DLGAP2: variants seen among roughly 807,000 people sequenced by gnomAD.
DLGAP2 encodes the protein DLG associated protein 2, also known as disks large-associated protein 2.
In DLGAP2, 26 loss-of-function variants were observed where a neutral mutation model predicts 100.3. The ratio of observed to expected loss-of-function variants is 0.26; its 90% CI spans 0.19 to 0.36. The LOEUF is 0.36. DLGAP2 is among the 10% of genes least tolerant of loss of function. The probability of loss-of-function intolerance (pLI) is 1.00; values close to 1 mark genes in which losing one functional copy is unlikely to be tolerated. For synonymous variants in DLGAP2, 886 were observed against 630.1 expected (o/e 1.41, Z -6.08); for missense variants, 1,858 against 1,453.2 (o/e 1.28, Z -4.53).
chr8:957,486 T>C (rs1242269426), intron 2 of DLGAP2, among the ~76,000 whole-genome samples: 1 of 152,238 alleles, frequency 6.6e-6, no homozygotes, highest in African/African-American at 2.4e-5. Flanking sequence ...AACACCAGCC[T>C]AGAGATGCTG....
At chr8:1,319,699 T>A (rs565058168) in intron 3 of DLGAP2, among the ~76,000 whole-genome samples, 1 of 152,148 alleles carries the variant, frequency 6.6e-6, no homozygotes, top group East Asian at 1.9e-4. Flanking sequence ...GGAGTGCACG[T>A]TGGAAAAGAT....
At chr8:1,061,655 G>T (rs533152420) in intron 2 of DLGAP2, among the ~76,000 whole-genome samples, 1 of 152,084 alleles carries the variant, frequency 6.6e-6, no homozygotes, top group Non-Finnish European at 1.5e-5. Flanking sequence ...GAGCGTCCCT[G>T]TGGTGTTTTC....
rs187744271 is a variant in DLGAP2, at chr8:984,060, C to T, written c.73+76094C>T. ...TGGGTGTGCGGGCGGTCACTCCTCC[C>T]GGTGTCTCATGTGTAGCTTTTGGGC... On this transcript the variant is annotated intron_variant, in intron 2 of 14. Transcript: ENST00000637795. Among the ~76,000 whole-genome samples the T allele has an allele frequency of 3.9e-4, 60 of 152,236 alleles. 1 individual carries two copies. The highest frequency in any genetic ancestry group is 1.4e-3 in the Admixed American group (21 of 15,296).
At chr8:1,171,840 T>A (rs1204252950) in intron 2 of DLGAP2, among the ~76,000 whole-genome samples, 1 of 152,222 alleles carries the variant, frequency 6.6e-6, no homozygotes, top group Non-Finnish European at 1.5e-5. Context: ...TTTATCCAAT[T>A]TGCCAGTCTG....
intron 3 of DLGAP2, among the ~76,000 whole-genome samples, chr8:1,270,084 TTGACTGACCATGA>T (rs1459491359): frequency 3.3e-5 from 5 of 152,166 alleles, no homozygotes. Flanking sequence ...TGGGGTCCTG[TTGACTGACCATGA>T]TGCAAAACTT....
At chr8:1,614,360 C>G (rs186697182) in intron 6 of DLGAP2, among the ~76,000 whole-genome samples, 7 of 152,320 alleles carry the variant, frequency 4.6e-5, no homozygotes, top group African/African-American at 9.6e-5. Flanking sequence ...AATTACCAGC[C>G]ACATTGGCAG....
At chr8:1,431,732 G>T (rs1563143406) in intron 3 of DLGAP2, among the ~76,000 whole-genome samples, 2 of 151,248 alleles carry the variant, frequency 1.3e-5, no homozygotes, top group Admixed American at 6.6e-5. Flanking sequence ...TGGGCTATTG[G>T]GCAGCTTACT....
chr8:1,328,182 G>A (rs754262234), intron 3 of DLGAP2, among the ~76,000 whole-genome samples: 37 of 152,106 alleles, frequency 2.4e-4, no homozygotes, highest in Non-Finnish European at 4.3e-4. Flanking sequence ...CGGGACTACA[G>A]GCATGTGCCA....
chr8:1,258,809 G>C, intron 2 of DLGAP2, 42 bp from the exon 3 acceptor site: 1 of 1,231,048 alleles, frequency 8.1e-7, no homozygotes, highest in Non-Finnish European at 1.0e-6. Context: ...GCATGGTTGA[G>C]ACCCTGTGGG....
chr8:1,589,955 A>G (rs1796241974), intron 6 of DLGAP2, among the ~76,000 whole-genome samples: 1 of 152,192 alleles, frequency 6.6e-6, no homozygotes, highest in African/African-American at 2.4e-5. Context: ...GCTTAAAACA[A>G]TAGAAATTTA....
chr8:1,499,314 G>C (rs1799639861), intron 3 of DLGAP2, among the ~76,000 whole-genome samples: 1 of 152,196 alleles, frequency 6.6e-6, no homozygotes, highest in Non-Finnish European at 1.5e-5. Context: ...TCCGCCCTGT[G>C]AGAGCCCCTG....
chr8:1,694,568 T>C (rs1799332817), intron 13 of DLGAP2, among the ~76,000 whole-genome samples: 2 of 152,174 alleles, frequency 1.3e-5, no homozygotes, highest in Middle Eastern at 3.2e-3. Flanking sequence ...CTGATTGCTG[T>C]GCTTGTGGGA....
chr8:977,525 T>C (rs1800196930), intron 2 of DLGAP2, among the ~76,000 whole-genome samples: 1 of 152,250 alleles, frequency 6.6e-6, no homozygotes, highest in Non-Finnish European at 1.5e-5. Flanking sequence ...CTTCAAATTA[T>C]TGCCAGTTAG....
rs542407407 is a variant in DLGAP2, at chr8:1,000,857, G to A, written c.73+92891G>A. On this transcript the variant is annotated intron_variant, in intron 2 of 14. Transcript: ENST00000637795. ...TTCTGCGATGTGTGTGGACAGGTGT[G>A]GGGGGAGAGGAGAGGGAGACCTTGC... is the stretch of plus-strand genomic sequence containing the variant. 2.0e-5 allele frequency among the ~76,000 whole-genome samples: 3 copies of A among 152,224 alleles called. No individual in the cohort carries two copies. In the East Asian group the frequency reaches 5.8e-4, roughly 30 times the overall value.
chr8:759,346 GA>G (rs1354684663), intron 1 of DLGAP2, among the ~76,000 whole-genome samples: 1 of 151,080 alleles, frequency 6.6e-6, no homozygotes, highest in East Asian at 1.9e-4. Context: ...TGCCACAGTG[GA>G]TGGACCCACA....
intron 4 of DLGAP2, among the ~76,000 whole-genome samples, chr8:1,506,018 CTG>C (rs1212312775): frequency 1.3e-5 from 2 of 152,170 alleles, no homozygotes; most frequent in Non-Finnish European, 2.9e-5. Flanking sequence ...AATGTACACA[CTG>C]TGTAATTTTG....
chr8:879,953 C>A lies in DLGAP2; in HGVS notation c.19-27959C>A, dbSNP rs528740978. 1.8e-4 allele frequency among the ~76,000 whole-genome samples: 27 copies of A among 152,308 alleles called. 1 individual carries two copies. Among genetic ancestry groups the A allele is most frequent in the Non-Finnish European group, 3.7e-4 (25 of 68,020 alleles). ...AATTTTATATCTTAACCATATCCCT[C>A]GAGTCTGCAGCCTCCTTCTTTACTC... On this transcript the variant is annotated intron_variant, in intron 1 of 14. Transcript: ENST00000637795.
rs148175016 is a variant in DLGAP2 at position 933,345 on chromosome 8, G to A, written c.73+25379G>A. ...AGTCTGCTGTGGACACCTGGCTGTG[G>A]GCATGAGGGGAGGGTGAGGGCAGAG... On this transcript the variant is annotated intron_variant, in intron 2 of 14. Transcript: ENST00000637795. Among the ~76,000 whole-genome samples the A allele has an allele frequency of 3.9e-3, 599 of 151,952 alleles. 4 individuals carry two copies. The highest frequency in any genetic ancestry group is 0.014 in the African/African-American group (562 of 41,360).
chr8:1,573,581 A>C (rs1345306148), intron 6 of DLGAP2, among the ~76,000 whole-genome samples: 1 of 151,728 alleles, frequency 6.6e-6, no homozygotes, highest in Non-Finnish European at 1.5e-5. Flanking sequence ...TTTAGTCATC[A>C]ATAATAACAG....
Sources: gnomAD v4.1 joint callset for allele counts (sites outside exome capture counted in the v4.1 genomes callset) on GRCh38, gnomAD v4.1.1 for gene constraint, MANE v1.5 for transcripts, NCBI Gene and HGNC (gene_info 2026-07-23, HGNC 2026-07-21) for gene names.